ANKAR: variants seen among roughly 807,000 people sequenced by gnomAD.
ANKAR encodes ankyrin and armadillo repeat-containing protein.
ANKAR carries 136 observed loss-of-function variants against 146.2 expected under a neutral mutation model. That is an observed-to-expected ratio of 0.93 (90% CI 0.81 to 1.07). ANKAR has a LOEUF of 1.07. Ranked by LOEUF, ANKAR falls within the 50% of genes least tolerant of loss-of-function variation. The pLI, the probability that ANKAR is intolerant of heterozygous loss-of-function variation, is 0.00. For missense variants in ANKAR, 1,567 were observed against 1,679.9 expected (o/e 0.93, Z 1.18); for synonymous variants, 500 against 575.8 (o/e 0.87, Z 1.88).
downstream of ANKAR, chr2:189,761,723 A>G (rs933363285): frequency 3.5e-6 from 5 of 1,414,400 alleles, no homozygotes; most frequent in African/African-American, 5.9e-5. Flanking sequence ...TTATTTTTCA[A>G]TATATAGTTT....
chr2:189,684,185 A>G (rs1220428990), intron 2 of ANKAR, among the ~76,000 whole-genome samples: 1 of 152,160 alleles, frequency 6.6e-6, no homozygotes, highest in African/African-American at 2.4e-5. Flanking sequence ...ATTTATTATC[A>G]CAAGCGAGTA....
At chr2:189,761,556 G>A (rs1680020355), downstream of ANKAR, 2 of 1,610,648 alleles carry the variant, frequency 1.2e-6, no homozygotes, top group African/African-American at 1.3e-5. Flanking sequence ...GTTCCAGGAT[G>A]AAAATTAAAA....
intron 18 of ANKAR, chr2:189,755,538 C>T (rs1382626504): frequency 6.3e-7 from 1 of 1,598,600 alleles, no homozygotes; most frequent in African/African-American, 1.4e-5. Flanking sequence ...TGTTGAGCTG[C>T]TGGAGGAACA....
intron 12 of ANKAR, among the ~76,000 whole-genome samples, chr2:189,724,274 G>C (rs2041627569): frequency 2.0e-5 from 3 of 152,108 alleles, no homozygotes; most frequent in Admixed American, 2.0e-4. Context: ...AGTGTTACTT[G>C]AGTGATCTAA....
chr2:189,753,766 G>C (rs564691913), intron 18 of ANKAR: 2 of 820,838 alleles, frequency 2.4e-6, no homozygotes, highest in African/African-American at 1.7e-5. Flanking sequence ...AGAAATGGCT[G>C]TTAGTCTTTC....
At position 189,695,171 on chromosome 2, in the gene ANKAR, T is replaced by G. The variant is rs372066044; in HGVS notation, c.1488+10T>G. On this transcript the variant is annotated intron_variant, in intron 6 of 22. Coordinates refer to ENST00000684021, the MANE Select transcript of ANKAR (RefSeq NM_001378068.1). ...AGCTATGAAATGCAAGGTATTTCAG[T>G]GACTACCACATAATTTAGTATATGA... The G allele has an allele frequency of 5.7e-6, 9 of 1,584,248 alleles. No individual in the cohort carries two copies. In the African/African-American group the frequency reaches 1.2e-4, roughly 22 times the overall value.
intron 5 of ANKAR, 38 bp downstream of exon 5, chr2:189,693,215 T>G (rs763820286): frequency 5.3e-6 from 7 of 1,328,926 alleles, no homozygotes; most frequent in Non-Finnish European, 7.4e-6. Flanking sequence ...TTAACTACAA[T>G]TTTTTGCACG....
chr2:189,712,559 G>A (rs769574993), intron 10 of ANKAR, among the ~76,000 whole-genome samples: 6 of 152,152 alleles, frequency 3.9e-5, no homozygotes, highest in Non-Finnish European at 8.8e-5. Flanking sequence ...CTAACAAACA[G>A]AAAGGAATAG....
At chr2:189,755,207 G>T in intron 18 of ANKAR, 1 of 1,611,750 alleles carries the variant, frequency 6.2e-7, no homozygotes, top group Non-Finnish European at 8.5e-7. Context: ...TATGTCCAAA[G>T]ACTTTCCAAG....
downstream of ANKAR, chr2:189,762,818 T>C: frequency 4.1e-6 from 4 of 985,458 alleles, no homozygotes; most frequent in Non-Finnish European, 4.8e-6. Flanking sequence ...CAAGGTCCCG[T>C]CCAGAGCTGG....
In ANKAR at chr2:189,728,258, T is replaced by G. The variant is rs761751679; in HGVS notation, c.2878-9T>G. 5.1e-6 allele frequency: 8 copies of G among 1,581,250 alleles called. No individual in the cohort carries two copies. Among genetic ancestry groups the G allele is most frequent in the Non-Finnish European group, 6.8e-6 (8 of 1,169,868 alleles). On this transcript the variant is annotated splice_polypyrimidine_tract_variant and intron_variant, in intron 13 of 22. Coordinates refer to ENST00000684021, the MANE Select transcript of ANKAR (RefSeq NM_001378068.1). ...GTTCACTGAATTAATGAAATATTTT[T>G]AAAAATAGGCATTTCAAATAGATGT... is the stretch of plus-strand genomic sequence containing the variant.
At chr2:189,708,134 A>G (rs2039217313) in intron 9 of ANKAR, among the ~76,000 whole-genome samples, 1 of 152,240 alleles carries the variant, frequency 6.6e-6, no homozygotes. Flanking sequence ...CTGTGCATCC[A>G]GTCTAGAGGA....
chr2:189,709,456 C>G (rs1374315033), intron 9 of ANKAR, among the ~76,000 whole-genome samples: 1 of 151,980 alleles, frequency 6.6e-6, no homozygotes, highest in Non-Finnish European at 1.5e-5. Context: ...AGGGTGGGGC[C>G]CAGGAACCAC....
At chr2:189,700,726 C>G (rs1359128009) in intron 7 of ANKAR, among the ~76,000 whole-genome samples, 1 of 152,204 alleles carries the variant, frequency 6.6e-6, no homozygotes, top group Non-Finnish European at 1.5e-5. Context: ...TACTCTGTAT[C>G]TCCATGAGTT....
chr2:189,746,016 A>G (rs895052340), intron 22 of ANKAR, among the ~76,000 whole-genome samples: 4 of 152,248 alleles, frequency 2.6e-5, no homozygotes, highest in South Asian at 2.1e-4. Flanking sequence ...TTGTAGTAAC[A>G]TAAGAAAAAA....
rs778040852 is a variant in ANKAR, at chr2:189,720,806, A to T, written c.2635+19A>T. 1.4e-6 allele frequency: 2 copies of T among 1,438,914 alleles called. No homozygotes were observed. The highest frequency in any genetic ancestry group is 9.1e-7 in the Non-Finnish European group (1 of 1,095,668). 89.1% of individuals were successfully genotyped at this position (1,438,914 alleles called of 1,614,324 possible). On this transcript the variant is annotated intron_variant, in intron 12 of 22. Coordinates refer to ENST00000684021, the MANE Select transcript of ANKAR (RefSeq NM_001378068.1). ...GATTCAGGTGAGCTTCTATCTCTGT[A>T]TTATTTTATAATGACCAGATATATT...
chr2:189,730,256 T>C (rs2042284993), intron 15 of ANKAR, among the ~76,000 whole-genome samples: 1 of 152,214 alleles, frequency 6.6e-6, no homozygotes, highest in Admixed American at 6.6e-5. Context: ...TAATTTCCTT[T>C]GCTTTGTGAC....
At position 189,676,724 on chromosome 2, in the gene ANKAR, A is replaced by G. The variant is rs1559045762; in HGVS notation, c.234A>G (p.Val78=). Residue 78 remains valine, a synonymous_variant, in exon 2 of 23, where the codon GTA becomes GTG. Transcript: ENST00000684021. ...PCGIMSQMNN[V]GFSTAILLTP... ...GAATTATGAGTCAAATGAATAACGT[A>G]GGCTTCTCCACTGCAATCCTACTGA... 6.2e-7 allele frequency: 1 copy of G among 1,614,230 alleles called. No homozygotes were observed. Among genetic ancestry groups the G allele is most frequent in the East Asian group, 2.2e-5 (1 of 44,890 alleles).
intron 7 of ANKAR, among the ~76,000 whole-genome samples, chr2:189,702,021 C>T (rs2038145150): frequency 6.6e-6 from 1 of 152,114 alleles, no homozygotes; most frequent in Admixed American, 6.6e-5. Context: ...GTACTTTGAA[C>T]TTCACCAGTG....
Sources: gnomAD v4.1 joint callset for allele counts (sites outside exome capture counted in the v4.1 genomes callset) on GRCh38, gnomAD v4.1.1 for gene constraint, MANE v1.5 for transcripts, NCBI Gene and HGNC (gene_info 2026-07-23, HGNC 2026-07-21) for gene names.